Variants in GUCY1A2 observed in about 807,000 individuals in gnomAD.
GUCY1A2 encodes guanylate cyclase soluble subunit alpha-2.
Under a neutral mutation model 63.5 loss-of-function variants are expected in GUCY1A2, and 27 were observed. That is an observed-to-expected ratio of 0.43 (90% CI 0.31 to 0.59). The LOEUF is 0.59. GUCY1A2 is among the 20% of genes least tolerant of loss of function. The probability of loss-of-function intolerance (pLI) is 0.11; values close to 1 mark genes in which losing one functional copy is unlikely to be tolerated. For missense variants in GUCY1A2, 768 were observed against 913.3 expected (o/e 0.84, Z 2.05); for synonymous variants, 364 against 343.5 (o/e 1.06, Z -0.66).
chr11:106,715,922 A>T (rs1863205470), intron 6 of GUCY1A2, among the ~76,000 whole-genome samples: 2 of 152,230 alleles, frequency 1.3e-5, no homozygotes, highest in Non-Finnish European at 2.9e-5. Context: ...AGTATAAAAG[A>T]GGGCAGGGCA....
At chr11:106,770,464 TACAGTC>T (rs1864237265) in intron 6 of GUCY1A2, among the ~76,000 whole-genome samples, 2 of 152,106 alleles carry the variant, frequency 1.3e-5, no homozygotes, top group South Asian at 4.1e-4. Flanking sequence ...TTTTTCTAAA[TACAGTC>T]TCAGGCTGAA....
At position 106,888,616 on chromosome 11, in the gene GUCY1A2, T is replaced by G. The variant is rs536531459; in HGVS notation, c.1206+50844A>C. On this transcript the variant is annotated intron_variant, in intron 4 of 7. Transcript: ENST00000526355. ...GGTTTCTTTTAAGAGCTATCCTTTA[T>G]AGCCAACAGGCGTTTGTACCACAAT... Among the ~76,000 whole-genome samples, 6 of 152,356 alleles carry G rather than the reference T, an allele frequency of 3.9e-5. No homozygotes were observed. In the East Asian group the frequency reaches 9.6e-4, roughly 25 times the overall value.
intron 4 of GUCY1A2, among the ~76,000 whole-genome samples, chr11:106,869,424 C>A (rs375844569): frequency 1.3e-5 from 2 of 152,154 alleles, no homozygotes. Context: ...AAAAAACAAA[C>A]AACCCCATCA....
At chr11:106,799,882 T>C (rs1045953516) in intron 5 of GUCY1A2, among the ~76,000 whole-genome samples, 26 of 152,242 alleles carry the variant, frequency 1.7e-4, no homozygotes, top group African/African-American at 6.0e-4. Flanking sequence ...AAAGCCAAAA[T>C]TGACAAATGG....
chr11:106,740,552 T>C (rs1287137107), intron 6 of GUCY1A2, among the ~76,000 whole-genome samples: 1 of 152,168 alleles, frequency 6.6e-6, no homozygotes, highest in African/African-American at 2.4e-5. Flanking sequence ...CCTTCTATGA[T>C]GATTCAATAT....
At chr11:106,991,768 T>C (rs1276226850) in intron 1 of GUCY1A2, among the ~76,000 whole-genome samples, 2 of 152,230 alleles carry the variant, frequency 1.3e-5, no homozygotes, top group Admixed American at 6.5e-5. Flanking sequence ...GCTTGAAGCA[T>C]AAATACGAGA....
chr11:106,820,199 A>T (rs1272951381), intron 4 of GUCY1A2, among the ~76,000 whole-genome samples: 1 of 152,154 alleles, frequency 6.6e-6, no homozygotes, highest in African/African-American at 2.4e-5. Context: ...TTTCCCCCAT[A>T]GGGCTATTTA....
chr11:106,707,013 T>C (rs1169126809), intron 7 of GUCY1A2, among the ~76,000 whole-genome samples: 1 of 152,150 alleles, frequency 6.6e-6, no homozygotes, highest in East Asian at 1.9e-4. Flanking sequence ...AATGATTAGA[T>C]AGAATCCTGA....
At chr11:106,707,171 T>A (rs1330421040) in intron 7 of GUCY1A2, among the ~76,000 whole-genome samples, 1 of 152,108 alleles carries the variant, frequency 6.6e-6, no homozygotes, top group African/African-American at 2.4e-5. Context: ...GTATTTTTAA[T>A]GTGCACTTTC....
chr11:106,760,453 G>A (rs998463209), intron 6 of GUCY1A2, among the ~76,000 whole-genome samples: 2 of 152,054 alleles, frequency 1.3e-5, no homozygotes, highest in African/African-American at 4.8e-5. Flanking sequence ...TACATAAAAC[G>A]ATCGTTTATG....
chr11:106,879,685 T>G (rs942589572), intron 4 of GUCY1A2, among the ~76,000 whole-genome samples: 2 of 152,080 alleles, frequency 1.3e-5, no homozygotes, highest in Non-Finnish European at 2.9e-5. Flanking sequence ...CTCTCTTTCC[T>G]CTGTTTCCAT....
At chr11:106,691,635 G>A (rs1274079075) in intron 7 of GUCY1A2, among the ~76,000 whole-genome samples, 1 of 152,158 alleles carries the variant, frequency 6.6e-6, no homozygotes, top group Non-Finnish European at 1.5e-5. Context: ...ATAATTCACT[G>A]CACATTGGCT....
At position 106,931,063 on chromosome 11, in the gene GUCY1A2, T is replaced by G. The variant is rs185479495; in HGVS notation, c.1206+8397A>C. The stretch of plus-strand genomic sequence containing the variant: ...TGAACAGAAGTTTCTCCATAAATAT[T>G]TTTAAAGGACAGTAAATTGAAGATT... On this transcript the variant is annotated intron_variant, in intron 4 of 7. Coordinates refer to ENST00000526355, the MANE Select transcript of GUCY1A2 (RefSeq NM_000855.3). Among the ~76,000 whole-genome samples, 277 of 152,322 alleles carry G rather than the reference T, an allele frequency of 1.8e-3. 2 individuals carry two copies. The highest frequency in any genetic ancestry group is 6.4e-3 in the African/African-American group (266 of 41,566).
At chr11:106,932,806 G>C (rs562231685) in intron 4 of GUCY1A2, among the ~76,000 whole-genome samples, 1 of 152,110 alleles carries the variant, frequency 6.6e-6, no homozygotes, top group Non-Finnish European at 1.5e-5. Flanking sequence ...AGAAAACCCA[G>C]AAATAAAGCT....
rs1175490541 is a variant in GUCY1A2, at chr11:106,986,098, G to C, written c.337C>G (p.Leu113Val). The change falls in exon 2 of 8, where the codon CTG (leucine) becomes GTG (valine). Residue 113 changes from leucine (L) to valine (V), a missense_variant. Around this residue, in one of 3 missense-constraint regions of GUCY1A2, gnomAD observed 496 missense variants for 486.9 expected, o/e 1.02. Transcript: ENST00000526355. ...QTIQQTLKRT[L>V]QYYEHQVIGY... is the part of the protein sequence containing the mutation. Reference sequence around the variant, plus strand: ...ATAACTTGATGTTCATAATACTGCAGTGTCCTCTTGAGAGTCTGCTGTATC... The same window carrying C: ...ATAACTTGATGTTCATAATACTGCACTGTCCTCTTGAGAGTCTGCTGTATC... The C allele has an allele frequency of 6.6e-7, 1 of 1,507,800 alleles. No individual in the cohort carries two copies. The highest frequency in any genetic ancestry group is 9.2e-7 in the Non-Finnish European group (1 of 1,083,250). The allele number at this position is 1,507,800 out of a possible 1,614,324, so 93.4% of individuals were successfully genotyped here. A position where few individuals can be genotyped will look rare whatever the true frequency, so the allele number is the denominator to read the frequency against.
At chr11:106,981,516 G>A (rs544822354) in intron 2 of GUCY1A2, among the ~76,000 whole-genome samples, 1 of 151,378 alleles carries the variant, frequency 6.6e-6, no homozygotes, top group Non-Finnish European at 1.5e-5. Flanking sequence ...GCATGGTTCT[G>A]AATACATATT....
At chr11:107,001,521 A>C (rs1360194219) in intron 1 of GUCY1A2, among the ~76,000 whole-genome samples, 1 of 152,178 alleles carries the variant, frequency 6.6e-6, no homozygotes, top group Non-Finnish European at 1.5e-5. Flanking sequence ...GGCATACAGT[A>C]AATATATGAA....
At chr11:106,875,722 C>T (rs928109131) in intron 4 of GUCY1A2, among the ~76,000 whole-genome samples, 1 of 152,034 alleles carries the variant, frequency 6.6e-6, no homozygotes, top group African/African-American at 2.4e-5. Flanking sequence ...AAATGACCAT[C>T]AATTAGAGTT....
chr11:106,896,306 G>A (rs1460159034), intron 4 of GUCY1A2, among the ~76,000 whole-genome samples: 1 of 151,974 alleles, frequency 6.6e-6, no homozygotes, highest in Non-Finnish European at 1.5e-5. Flanking sequence ...TAATGAAGGG[G>A]AACTTCATCA....
Sources: gnomAD v4.1 joint callset for allele counts (sites outside exome capture counted in the v4.1 genomes callset) on GRCh38, gnomAD v4.1.1 for gene constraint, gnomAD v4.1.1 regional missense constraint, MANE v1.5 for transcripts, NCBI Gene and HGNC (gene_info 2026-07-23, HGNC 2026-07-21) for gene names.